TEX14: variants seen among roughly 807,000 people sequenced by gnomAD.
TEX14 encodes testis expressed 14, intercellular bridge forming factor, also known as inactive serine/threonine-protein kinase TEX14.
A neutral mutation model predicts 178.6 loss-of-function variants in TEX14; 168 were observed. The ratio of observed to expected loss-of-function variants is 0.94; its 90% CI spans 0.83 to 1.07. TEX14 has a LOEUF of 1.07. Among genes scored for constraint, TEX14 ranks in the 50% least tolerant of loss-of-function variants. The pLI, the probability that TEX14 is intolerant of heterozygous loss-of-function variation, is 0.00. For missense variants in TEX14, 1,730 were observed against 1,753.6 expected, an observed-to-expected ratio of 0.99 and a Z score of 0.24; for synonymous variants, 626 against 634.1, an observed-to-expected ratio of 0.99 and a Z score of 0.19.
intron 28 of TEX14, among the ~76,000 whole-genome samples, chr17:58,562,184 C>T (rs1004155949): frequency 6.6e-6 from 1 of 152,216 alleles, no homozygotes; most frequent in African/African-American, 2.4e-5. Context: ...ACTGCTTCCC[C>T]AAGTCTGATG....
chr17:58,623,044 A>C, intron 3 of TEX14, 32 bp from the exon 4 acceptor site: 2 of 1,569,790 alleles, frequency 1.3e-6, no homozygotes, highest in South Asian at 1.1e-5. Context: ...ATTGATGTCC[A>C]TGGCAATGCT....
chr17:58,587,797 T>C lies in TEX14; in HGVS notation c.2702+99A>G, dbSNP rs141410823. 2,714 of 1,209,736 alleles carry C rather than the reference T, an allele frequency of 2.2e-3. 10 individuals are homozygous for C. Among genetic ancestry groups the C allele is most frequent in the Non-Finnish European group, 3.1e-3 (2,527 of 817,368 alleles). 74.9% of individuals were successfully genotyped at this position (1,209,736 alleles called of 1,614,324 possible). On this transcript the variant is annotated intron_variant, in intron 16 of 31. Coordinates refer to ENST00000349033, the MANE Select transcript of TEX14 (RefSeq NM_031272.5). ...GACCTGTTCCCTACTCCCTAAGCCATTCCTAGAGTTGCACTGACCCCTTTG... is the reference window on the plus strand; with the variant it reads ...GACCTGTTCCCTACTCCCTAAGCCACTCCTAGAGTTGCACTGACCCCTTTG...
intron 2 of TEX14, among the ~76,000 whole-genome samples, chr17:58,636,139 C>T (rs942417440): frequency 1.3e-5 from 2 of 152,206 alleles, no homozygotes; most frequent in African/African-American, 4.8e-5. Context: ...AGGTGAAAAC[C>T]TCTGTCCCTA....
At chr17:58,637,905 A>C (rs1287215691) in intron 2 of TEX14, among the ~76,000 whole-genome samples, 2 of 141,878 alleles carry the variant, frequency 1.4e-5, no homozygotes, top group African/African-American at 2.6e-5. Context: ...TCTGTCACCC[A>C]GGCTGGAGTG....
At chr17:58,637,369 G>A (rs1328755213) in intron 2 of TEX14, among the ~76,000 whole-genome samples, 4 of 152,218 alleles carry the variant, frequency 2.6e-5, no homozygotes, top group African/African-American at 9.6e-5. Flanking sequence ...GCTAGTGGCT[G>A]GGGCCACCCA....
Position 58,601,969 on chromosome 17 carries a change from A to G in TEX14, c.1528-13T>C, listed in dbSNP as rs956079593. 1 of 1,612,344 alleles carries G rather than the reference A, an allele frequency of 6.2e-7. No homozygotes were observed. Among genetic ancestry groups the G allele is most frequent in the African/African-American group, 1.3e-5 (1 of 74,844 alleles). On this transcript the variant is annotated splice_polypyrimidine_tract_variant and intron_variant, in intron 12 of 31. Coordinates refer to ENST00000349033, the MANE Select transcript of TEX14 (RefSeq NM_031272.5). ...CTCCAGTAAAATCCTGTAACACAGG[A>G]AATATTGTCAAGGACATAGTCTCAG...
intron 19 of TEX14, among the ~76,000 whole-genome samples, chr17:58,582,532 CA>C (rs1567718130): frequency 6.7e-6 from 1 of 149,574 alleles, no homozygotes; most frequent in Non-Finnish European, 1.5e-5. Flanking sequence ...GCTGGGATTA[CA>C]GACATGAGCC....
chr17:58,610,264 C>G (rs1249306190), intron 10 of TEX14, among the ~76,000 whole-genome samples: 2 of 152,218 alleles, frequency 1.3e-5, no homozygotes. Flanking sequence ...GTGTGACAGG[C>G]CATTAGGCTC....
chr17:58,665,908 G>A (rs1288098754), intron 1 of TEX14, among the ~76,000 whole-genome samples: 4 of 151,896 alleles, frequency 2.6e-5, no homozygotes, highest in African/African-American at 4.8e-5. Flanking sequence ...CTAGCCACGC[G>A]TGGTGGCGGG....
At chr17:58,582,301 T>A (rs2144400083) in intron 19 of TEX14, among the ~76,000 whole-genome samples, 1 of 152,312 alleles carries the variant, frequency 6.6e-6, no homozygotes, top group East Asian at 1.9e-4. Flanking sequence ...TCTCTGTCAC[T>A]CAGACTGGAG....
intron 1 of TEX14, among the ~76,000 whole-genome samples, chr17:58,652,627 A>G (rs2046863954): frequency 6.6e-6 from 1 of 152,206 alleles, no homozygotes; most frequent in Non-Finnish European, 1.5e-5. Context: ...AGAACAGACT[A>G]ATACAATATT....
At chr17:58,668,679 G>A (rs1466230104) in intron 1 of TEX14, among the ~76,000 whole-genome samples, 2 of 152,208 alleles carry the variant, frequency 1.3e-5, no homozygotes, top group East Asian at 1.9e-4. Context: ...GTCATCCCCA[G>A]AGAGGACTTC....
At chr17:58,619,688 G>C (rs2045952493) in intron 5 of TEX14, among the ~76,000 whole-genome samples, 1 of 151,156 alleles carries the variant, frequency 6.6e-6, no homozygotes, top group Admixed American at 6.6e-5. Flanking sequence ...AGTAATCCCA[G>C]CTACTAAGGA....
At chr17:58,659,268 T>A (rs1044795224) in intron 1 of TEX14, 5 of 850,220 alleles carry the variant, frequency 5.9e-6, no homozygotes, top group African/African-American at 1.8e-5. Context: ...AAACACTTTA[T>A]CAGGACCAAC....
At chr17:58,688,114 C>CT (rs1017145421) in intron 1 of TEX14, among the ~76,000 whole-genome samples, 2 of 151,992 alleles carry the variant, frequency 1.3e-5, no homozygotes, top group South Asian at 2.1e-4. Context: ...CAATTATAGA[C>CT]TTTTTTTGTT....
chr17:58,635,105 C>T (rs1220693418), intron 2 of TEX14, among the ~76,000 whole-genome samples: 1 of 151,180 alleles, frequency 6.6e-6, no homozygotes, highest in East Asian at 1.9e-4. Context: ...GCACTCCAGC[C>T]CGGGTTGACA....
chr17:58,673,045 T>C (rs1254366087), intron 1 of TEX14, among the ~76,000 whole-genome samples: 1 of 152,080 alleles, frequency 6.6e-6, no homozygotes, highest in Admixed American at 6.6e-5. Context: ...ATTCCTTTTA[T>C]ACATACTTTT....
chr17:58,592,080 G>A (rs868558110), intron 15 of TEX14, among the ~76,000 whole-genome samples: 6 of 147,330 alleles, frequency 4.1e-5, no homozygotes, highest in African/African-American at 5.0e-5. Context: ...AAAAAAGAAA[G>A]AAAAAAAAAT....
At chr17:58,665,140 T>C (rs1056105374) in intron 1 of TEX14, among the ~76,000 whole-genome samples, 1 of 152,050 alleles carries the variant, frequency 6.6e-6, no homozygotes, top group South Asian at 2.1e-4. Context: ...ACATTTTTAG[T>C]AGCTATATTA....
Sources: allele counts gnomAD v4.1 joint callset (sites outside exome capture counted in the v4.1 genomes callset), GRCh38; gene constraint gnomAD v4.1.1; transcripts MANE v1.5; gene names NCBI Gene and HGNC (gene_info 2026-07-23, HGNC 2026-07-21).